Variants in THSD1 observed in about 807,000 individuals in gnomAD.
THSD1 encodes the protein thrombospondin type 1 domain containing 1.
In THSD1, 34 loss-of-function variants were observed where a neutral mutation model predicts 46.3. The ratio of observed to expected loss-of-function variants is 0.74; its 90% CI spans 0.56 to 0.98. The LOEUF is 0.98. Ranked by LOEUF, THSD1 falls within the 50% of genes least tolerant of loss-of-function variation. The pLI is 0.00. For missense variants in THSD1, 1,023 were observed against 1,058.3 expected, an observed-to-expected ratio of 0.97 and a Z score of 0.46; for synonymous variants, 407 against 416.5, an observed-to-expected ratio of 0.98 and a Z score of 0.28.
intron 3 of THSD1, among the ~76,000 whole-genome samples, chr13:52,387,581 A>G (rs1021551427): frequency 6.6e-6 from 1 of 152,252 alleles, no homozygotes; most frequent in Admixed American, 6.5e-5. Flanking sequence ...TTTAGTGGAA[A>G]AGGTGAACAA....
Position 52,402,482 on chromosome 13 carries a change from TATA to T in THSD1, c.58+58_58+60del, listed in dbSNP as rs1025456610. On this transcript the variant is annotated intron_variant, in intron 2 of 4. Transcript: ENST00000258613. ...GAAGAGTCATCAACATCAATGCATT[TATA>T]ATGTCATCTTTATGTCTTATTGCTA... is the stretch of plus-strand genomic sequence containing the variant. The T allele has an allele frequency of 9.9e-5, 152 of 1,528,604 alleles. No individual in the cohort carries two copies. The African/African-American group carries it at 1.7e-3, about 17-fold the overall frequency. The allele number at this position is 1,528,604 out of a possible 1,614,324, so 94.7% of individuals were successfully genotyped here.
chr13:52,378,173 GGCAC>G lies in THSD1; in HGVS notation c.1793_1796del (p.Ser598ThrfsTer11). 1 of 1,614,158 alleles carries G rather than the reference GGCAC, an allele frequency of 6.2e-7. No individual in the cohort carries two copies. On this transcript the variant is annotated frameshift_variant, in exon 5 of 5. Coordinates refer to ENST00000258613, the MANE Select transcript of THSD1 (RefSeq NM_018676.4). LOFTEE classifies it low-confidence loss of function (END_TRUNC). ...CCAGCCTGGAGGGAGGCCTTTCCCC[GGCAC>G]TGACCGCGGGCTGCTCCGGAAATGG...
At position 52,397,963 on chromosome 13, in the gene THSD1, C is replaced by G; in HGVS notation, c.290G>C (p.Gly97Ala). 6.2e-7 allele frequency: 1 copy of G among 1,614,238 alleles called. No homozygotes were observed. Among genetic ancestry groups the G allele is most frequent in the Non-Finnish European group, 8.5e-7 (1 of 1,180,052 alleles). Residue 97 changes from glycine (G) to alanine (A), a missense_variant, in exon 3 of 5, where the codon GGT (glycine) becomes GCT (alanine). Gly to Ala is a moderately conservative substitution (Grantham distance 60). This residue lies in a region of THSD1 where 429 missense variants were observed against 518.3 expected (regional missense o/e 0.83). Coordinates refer to ENST00000258613, the MANE Select transcript of THSD1 (RefSeq NM_018676.4). ...KFECFYFKEAGDYWFTMTPEA... is the reference protein window; with the variant it reads ...KFECFYFKEAADYWFTMTPEA... ...TGGAGTCATTGTGAACCAGTAGTCA[C>G]CAGCCTCCTTGAAATAGAAGCACTC...
In THSD1 at chr13:52,397,257, C is replaced by A. The variant is rs771586988; in HGVS notation, c.996G>T (p.Glu332Asp). ...SSRSHFSAKE[E>D]CMLIQRNTET... is the part of the protein sequence containing the mutation. ...CTGTATTTCTCTGAATTAGCATGCACTCCTCCTTTGCAGAAAAATGGCTTC... is the reference window on the plus strand; with the variant it reads ...CTGTATTTCTCTGAATTAGCATGCAATCCTCCTTTGCAGAAAAATGGCTTC... Residue 332 changes from glutamate (E) to aspartate (D), a missense_variant, in exon 3 of 5, where the codon GAG (glutamate) becomes GAT (aspartate). By Grantham distance (45) the Glu-to-Asp change is conservative. This residue lies in a region of THSD1 where 429 missense variants were observed against 518.3 expected (regional missense o/e 0.83). Coordinates refer to ENST00000258613, the MANE Select transcript of THSD1 (RefSeq NM_018676.4). 6.2e-7 allele frequency: 1 copy of A among 1,606,130 alleles called. No homozygotes were observed. Among genetic ancestry groups the A allele is most frequent in the Non-Finnish European group, 8.5e-7 (1 of 1,176,236 alleles).
chr13:52,386,517 C>G (rs1430461104), intron 3 of THSD1, among the ~76,000 whole-genome samples: 1 of 152,142 alleles, frequency 6.6e-6, no homozygotes, highest in East Asian at 1.9e-4. Context: ...AGGCTGCATA[C>G]AAGGTGGTAA....
At chr13:52,382,852 C>A (rs61958009) in intron 4 of THSD1, among the ~76,000 whole-genome samples, 8,846 of 151,934 alleles carry the variant, frequency 0.058, 306 homozygotes, top group African/African-American at 0.091. Flanking sequence ...AATACAAAAA[C>A]TTAGCCGGGT....
At chr13:52,394,389 G>A (rs1957796744) in intron 3 of THSD1, among the ~76,000 whole-genome samples, 1 of 152,138 alleles carries the variant, frequency 6.6e-6, no homozygotes, top group Non-Finnish European at 1.5e-5. Context: ...CGAGGCAGGT[G>A]GATCACCTGA....
At chr13:52,405,432 A>G (rs762188618) in intron 1 of THSD1, among the ~76,000 whole-genome samples, 1 of 152,186 alleles carries the variant, frequency 6.6e-6, no homozygotes, top group Non-Finnish European at 1.5e-5. Flanking sequence ...ATATATACCA[A>G]TAGTATTTAT....
In THSD1 at chr13:52,386,193, G is replaced by A. The variant is rs370121501; in HGVS notation, c.1022-7C>T. On this transcript the variant is annotated splice_region_variant and splice_polypyrimidine_tract_variant and intron_variant, in intron 3 of 4. Transcript: ENST00000258613. ...TGCCACAGTCCCCAAGTTTCTGCAAGGATATAAGTTATGCTTTTAATGCTA... is the reference window on the plus strand; with the variant it reads ...TGCCACAGTCCCCAAGTTTCTGCAAAGATATAAGTTATGCTTTTAATGCTA... 6.8e-6 allele frequency: 11 copies of A among 1,612,946 alleles called. No individual in the cohort carries two copies. Among genetic ancestry groups the A allele is most frequent in the African/African-American group, 2.7e-5 (2 of 74,886 alleles).
chr13:52,378,295 G>A lies in THSD1; in HGVS notation c.1675C>T (p.Leu559=). Residue 559 remains leucine (L), a synonymous_variant, in exon 5 of 5, where the codon CTG becomes TTG. Coordinates refer to ENST00000258613, the MANE Select transcript of THSD1 (RefSeq NM_018676.4). ...GCCGCATCAATGGCAGTGTCTGTCAGGGGACTCTGAGACACGTGATACACT... is the reference window on the plus strand; with the variant it reads ...GCCGCATCAATGGCAGTGTCTGTCAAGGGACTCTGAGACACGTGATACACT... ...TKVYHVSQSP[L]TDTAIDAAPS... 1 of 1,614,232 alleles carries A rather than the reference G, an allele frequency of 6.2e-7. No individual in the cohort carries two copies. Among genetic ancestry groups the A allele is most frequent in the Non-Finnish European group, 8.5e-7 (1 of 1,180,040 alleles).
intron 3 of THSD1, among the ~76,000 whole-genome samples, chr13:52,386,447 A>G (rs1046715103): frequency 2.0e-5 from 3 of 152,186 alleles, no homozygotes; most frequent in Non-Finnish European, 2.9e-5. Flanking sequence ...CAATAAAAGG[A>G]AAGATAGCAT....
At chr13:52,382,061 G>A (rs1957697338) in intron 4 of THSD1, among the ~76,000 whole-genome samples, 1 of 152,184 alleles carries the variant, frequency 6.6e-6, no homozygotes, top group Non-Finnish European at 1.5e-5. Flanking sequence ...ATTCACTTAT[G>A]TAATTTAGAG....
At position 52,397,901 on chromosome 13, in the gene THSD1, C is replaced by A. The variant is rs201883774; in HGVS notation, c.352G>T (p.Glu118Ter). 74 of 1,614,268 alleles carry A rather than the reference C, an allele frequency of 4.6e-5. No homozygotes were observed. The highest frequency in any genetic ancestry group is 5.8e-5 in the Non-Finnish European group (68 of 1,180,048). The change falls in exon 3 of 5, where the codon GAG becomes TAG. Residue 118 changes from glutamate to a stop codon, truncating the protein, a stop_gained. Transcript: ENST00000258613. LOFTEE classifies it high-confidence loss of function. ...TDNSTPFPWW[E>*]KSAFLKVEWP... ...TCCACCTTCAGAAAGGCACTTTTCT[C>A]CCACCAGGGGAATGGAGTGCTGTTG... is the stretch of plus-strand genomic sequence containing the variant.
At chr13:52,379,197 G>A (rs1009496605) in intron 4 of THSD1, among the ~76,000 whole-genome samples, 2 of 151,992 alleles carry the variant, frequency 1.3e-5, no homozygotes, top group African/African-American at 4.8e-5. Flanking sequence ...TGCTCTGCAC[G>A]GTTTTAAGGT....
rs1957823837 is a variant in THSD1, at chr13:52,397,840, G to A, written c.413C>T (p.Ala138Val). The change falls in exon 3 of 5, where the codon GCC becomes GTC. Residue 138 changes from alanine (A) to valine (V), a missense_variant. Around this residue, in one of 3 missense-constraint regions of THSD1, gnomAD observed 429 missense variants for 518.3 expected, o/e 0.83. Coordinates refer to ENST00000258613, the MANE Select transcript of THSD1 (RefSeq NM_018676.4). ...TTGGAAGGTGCCTTCTGCTGCCTTGGCACTCCTATTCAAGTCAACGTGAAA... is the reference window on the plus strand; with the variant it reads ...TTGGAAGGTGCCTTCTGCTGCCTTGACACTCCTATTCAAGTCAACGTGAAA... Reference protein sequence around the residue: ...PVFHVDLNRSAKAAEGTFQVG... With the variant: ...PVFHVDLNRSVKAAEGTFQVG... 2 of 1,614,214 alleles carry A rather than the reference G, an allele frequency of 1.2e-6. No individual in the cohort carries two copies. The highest frequency in any genetic ancestry group is 1.7e-6 in the Non-Finnish European group (2 of 1,180,040).
intron 4 of THSD1, among the ~76,000 whole-genome samples, chr13:52,380,558 T>G (rs531135392): frequency 7.3e-5 from 11 of 151,582 alleles, no homozygotes; most frequent in Admixed American, 7.2e-4. Flanking sequence ...GCCATTCTCC[T>G]GCCTCAGCCT....
At position 52,402,572 on chromosome 13, in the gene THSD1, T is replaced by C; in HGVS notation, c.29A>G (p.Asn10Ser). MKPMLKDFS[N>S]LLLVVLCDYV... ...GTCACAGAGTACCACCAACAATAGA[T>C]TTGAAAAGTCTTTCAACATTGGTTT... Residue 10 changes from asparagine (N) to serine (S), a missense_variant, in exon 2 of 5, where the codon AAT becomes AGT. Asn to Ser is a conservative substitution (Grantham distance 46, BLOSUM62 1). Coordinates refer to ENST00000258613, the MANE Select transcript of THSD1 (RefSeq NM_018676.4). 6.2e-7 allele frequency: 1 copy of C among 1,614,022 alleles called. No individual in the cohort carries two copies. The highest frequency in any genetic ancestry group is 8.5e-7 in the Non-Finnish European group (1 of 1,179,936).
intron 3 of THSD1, among the ~76,000 whole-genome samples, chr13:52,389,552 CG>C (rs1312384286): frequency 1.3e-5 from 2 of 151,764 alleles, no homozygotes; most frequent in East Asian, 3.9e-4. Flanking sequence ...AGTAAAAAAA[CG>C]GAAGATATGC....
rs141140186 is a variant in THSD1 at position 52,378,171 on chromosome 13, C to G, written c.1799G>C (p.Gly600Ala). Reference protein sequence around the residue: ...PFPEQPAVSAGERPPSRLDLN... With the variant: ...PFPEQPAVSAAERPPSRLDLN... ...ATCCAGCCTGGAGGGAGGCCTTTCCCCGGCACTGACCGCGGGCTGCTCCGG... is the reference window on the plus strand; with the variant it reads ...ATCCAGCCTGGAGGGAGGCCTTTCCGCGGCACTGACCGCGGGCTGCTCCGG... The change falls in exon 5 of 5, where the codon GGG becomes GCG. Residue 600 changes from glycine to alanine, a missense_variant. Around this residue, in one of 3 missense-constraint regions of THSD1, gnomAD observed 578 missense variants for 497.4 expected, o/e 1.16. Coordinates refer to ENST00000258613, the MANE Select transcript of THSD1 (RefSeq NM_018676.4). 11 of 1,614,166 alleles carry G rather than the reference C, an allele frequency of 6.8e-6. No individual in the cohort carries two copies. The East Asian group carries it at 2.2e-4, about 33-fold the overall frequency.
Sources: allele counts gnomAD v4.1 joint callset (sites outside exome capture counted in the v4.1 genomes callset), GRCh38; gene constraint gnomAD v4.1.1; regional missense constraint gnomAD v4.1.1; transcripts MANE v1.5; gene names NCBI Gene and HGNC (gene_info 2026-07-23, HGNC 2026-07-21).